DYSF: variants seen among roughly 807,000 people sequenced by gnomAD.
DYSF encodes dystrophy-associated fer-1-like 1.
In DYSF, 212 loss-of-function variants were observed where a neutral mutation model predicts 274.9. That is an observed-to-expected ratio of 0.77 (90% CI 0.69 to 0.86). The LOEUF is 0.86. Among genes scored for constraint, DYSF ranks in the 40% least tolerant of loss-of-function variants. The pLI is 0.00. For synonymous variants in DYSF, 1,091 were observed against 1,078.7 expected (o/e 1.01, Z -0.22); for missense variants, 2,666 against 2,783.2 (o/e 0.96, Z 0.95).
chr2:71,471,740 T>C (rs1182686309), intron 1 of DYSF, among the ~76,000 whole-genome samples: 1 of 151,840 alleles, frequency 6.6e-6, no homozygotes, highest in Non-Finnish European at 1.5e-5. Context: ...GAGGCTGAGG[T>C]GGGCGGATTG....
At chr2:71,672,302 T>A (rs1340075620) in intron 51 of DYSF, among the ~76,000 whole-genome samples, 1 of 151,330 alleles carries the variant, frequency 6.6e-6, no homozygotes, top group African/African-American at 2.5e-5. Flanking sequence ...GTTAGCTGGG[T>A]TGGGCTGAAG....
chr2:71,531,073 A>T (rs1559091201), intron 14 of DYSF, among the ~76,000 whole-genome samples: 1 of 151,678 alleles, frequency 6.6e-6, no homozygotes, highest in East Asian at 1.9e-4. Context: ...GGAAGATTTA[A>T]AACAACTTTT....
At position 71,656,174 on chromosome 2, in the gene DYSF, C is replaced by G. The variant is rs2094765959; in HGVS notation, c.4639C>G (p.Gln1547Glu). Reference sequence around the variant, plus strand: ...CCATGTGTGGCAGGTCTATGACACACAGCTGGAGAATGTGGAGGCCTTTGA... The same window carrying G: ...CCATGTGTGGCAGGTCTATGACACAGAGCTGGAGAATGTGGAGGCCTTTGA... ...DFDTLKVYDT[Q>E]LENVEAFEGL... The change falls in exon 43 of 56, where the codon CAG (glutamine) becomes GAG (glutamate). Residue 1547 changes from glutamine (Q) to glutamate (E), a missense_variant. By Grantham distance (29) the Gln-to-Glu change is conservative. This residue lies in a region of DYSF where 1,460 missense variants were observed against 1,502.1 expected (regional missense o/e 0.97). Transcript: ENST00000410020. 6.2e-6 allele frequency: 10 copies of G among 1,614,174 alleles called. No individual in the cohort carries two copies. Among genetic ancestry groups the G allele is most frequent in the Non-Finnish European group, 7.6e-6 (9 of 1,180,032 alleles).
upstream of DYSF, among the ~76,000 whole-genome samples, chr2:71,466,332 A>C (rs1342341814): frequency 1.3e-5 from 2 of 152,028 alleles, no homozygotes; most frequent in Non-Finnish European, 2.9e-5. Flanking sequence ...TTCCGCCTGC[A>C]CTCCTGCCTC....
intron 1 of DYSF, among the ~76,000 whole-genome samples, chr2:71,474,380 A>G (rs1330254587): frequency 6.6e-6 from 1 of 152,228 alleles, no homozygotes; most frequent in African/African-American, 2.4e-5. Flanking sequence ...CAGTTTGGGA[A>G]GAGGGCATGG....
At chr2:71,472,372 AACAC>A (rs1466178585) in intron 1 of DYSF, among the ~76,000 whole-genome samples, 3 of 152,208 alleles carry the variant, frequency 2.0e-5, no homozygotes, top group African/African-American at 7.2e-5. Context: ...TAATCCTGCT[AACAC>A]ACAGCATTGT....
chr2:71,526,529 G>A (rs953855027), intron 13 of DYSF, among the ~76,000 whole-genome samples, 183 bp downstream of exon 13: 12 of 152,258 alleles, frequency 7.9e-5, no homozygotes, highest in African/African-American at 2.9e-4. Context: ...GAACTCTTGA[G>A]AGTAATAGCT....
chr2:71,534,006 AATCCTG>A (rs1419227887), intron 14 of DYSF, among the ~76,000 whole-genome samples: 3,377 of 152,192 alleles, frequency 0.022, 120 homozygotes, highest in African/African-American at 0.076. Flanking sequence ...ACAAGGGCCA[AATCCTG>A]GCACTCAGCC....
chr2:71,564,984 G>A (rs1452666535), intron 24 of DYSF, among the ~76,000 whole-genome samples: 1 of 152,188 alleles, frequency 6.6e-6, no homozygotes, highest in Admixed American at 6.5e-5. Flanking sequence ...CTCCCTGCAC[G>A]ATGGCTGCCC....
chr2:71,628,951 CAA>C (rs1553394311), intron 41 of DYSF, among the ~76,000 whole-genome samples: 1 of 133,408 alleles, frequency 7.5e-6, no homozygotes. Flanking sequence ...GACCCTGTTG[CAA>C]AAAAAAAAAA....
At chr2:71,586,053 C>T (rs2093056371) in intron 30 of DYSF, among the ~76,000 whole-genome samples, 1 of 151,978 alleles carries the variant, frequency 6.6e-6, no homozygotes. Flanking sequence ...TTGGTAGTGT[C>T]CTGACTGCCA....
At chr2:71,582,380 A>AT (rs2092926697) in intron 30 of DYSF, among the ~76,000 whole-genome samples, 1 of 152,102 alleles carries the variant, frequency 6.6e-6, no homozygotes, top group African/African-American at 2.4e-5. Flanking sequence ...GTTCTAGGAG[A>AT]TAGGGTCTGT....
intron 17 of DYSF, among the ~76,000 whole-genome samples, chr2:71,540,746 G>T (rs2089857640): frequency 6.6e-6 from 1 of 151,308 alleles, no homozygotes; most frequent in Admixed American, 6.6e-5. Context: ...GTCCATATGA[G>T]GAAATGTTTA....
chr2:71,535,390 G>T (rs2089225547), intron 16 of DYSF, 79 bp downstream of exon 16: 2 of 1,398,554 alleles, frequency 1.4e-6, no homozygotes, highest in Non-Finnish European at 2.0e-6. Flanking sequence ...TCGGCTCAGT[G>T]ACTGGTAGTA....
intron 39 of DYSF, 29 bp downstream of exon 39, chr2:71,612,835 C>T (rs1447816462): frequency 6.3e-7 from 1 of 1,598,090 alleles, no homozygotes. Context: ...ATGGGCAGGT[C>T]AGGGAAGGGG....
At chr2:71,656,109 G>A (rs562674030) in intron 42 of DYSF, 53 bp from the exon 43 acceptor site, 10 of 1,609,596 alleles carry the variant, frequency 6.2e-6, no homozygotes, top group East Asian at 2.2e-5. Flanking sequence ...CTTTGCTGTT[G>A]TTCTACTTTC....
At position 71,562,536 on chromosome 2, in the gene DYSF, C is replaced by T. The variant is rs576819101; in HGVS notation, c.2409+592C>T. Among the ~76,000 whole-genome samples the T allele has an allele frequency of 5.3e-5, 8 of 152,322 alleles. No individual in the cohort carries two copies. In the East Asian group the frequency reaches 7.7e-4, roughly 15 times the overall value. ...GTCTCTGTGGCCAGATGCACCCACCCGGTTCTGTGGCAAATAGGCAGGTCC... is the reference window on the plus strand; with the variant it reads ...GTCTCTGTGGCCAGATGCACCCACCTGGTTCTGTGGCAAATAGGCAGGTCC... On this transcript the variant is annotated intron_variant, in intron 23 of 55. Coordinates refer to ENST00000410020, the MANE Select transcript of DYSF (RefSeq NM_001130987.2).
intron 44 of DYSF, among the ~76,000 whole-genome samples, chr2:71,659,748 A>G (rs2094843310): frequency 1.3e-5 from 2 of 152,166 alleles, no homozygotes; most frequent in African/African-American, 4.8e-5. Flanking sequence ...GAAGGAGGAA[A>G]GGAGTCTGGA....
chr2:71,576,791 C>T (rs560140695), intron 30 of DYSF: 1 of 152,532 alleles, frequency 6.6e-6, no homozygotes, highest in South Asian at 2.1e-4. Flanking sequence ...AAGAAAGTGA[C>T]AAGGCTGGGG....
Sources: allele counts gnomAD v4.1 joint callset (sites outside exome capture counted in the v4.1 genomes callset), GRCh38; gene constraint gnomAD v4.1.1; regional missense constraint gnomAD v4.1.1; transcripts MANE v1.5; gene names NCBI Gene and HGNC (gene_info 2026-07-23, HGNC 2026-07-21).